KIF13B: variants seen among roughly 807,000 people sequenced by gnomAD.
KIF13B encodes kinesin-like protein KIF13B.
KIF13B carries 127 observed loss-of-function variants against 222.0 expected under a neutral mutation model. The observed-to-expected ratio is 0.57, with a 90% CI of 0.50 to 0.66. The LOEUF is 0.66. Among genes scored for constraint, KIF13B ranks in the 30% least tolerant of loss-of-function variants. KIF13B has a pLI of 0.00. For synonymous variants in KIF13B, 976 were observed against 919.0 expected (o/e 1.06, Z -1.12); for missense variants, 2,173 against 2,379.0 (o/e 0.91, Z 1.80).
chr8:29,223,169 A>C (rs949714327), intron 2 of KIF13B, among the ~76,000 whole-genome samples: 1 of 150,054 alleles, frequency 6.7e-6, no homozygotes, highest in African/African-American at 2.4e-5. Flanking sequence ...AAATACAAAA[A>C]AAAAAAAAAC....
intron 1 of KIF13B, among the ~76,000 whole-genome samples, chr8:29,259,482 T>C (rs1241919766): frequency 6.6e-6 from 1 of 152,238 alleles, no homozygotes; most frequent in African/African-American, 2.4e-5. Context: ...TAGTTGATCT[T>C]ATACAGATTT....
chr8:29,241,032 C>T lies in KIF13B; in HGVS notation c.149+4314G>A, dbSNP rs1315787790. Among the ~76,000 whole-genome samples, 7 of 152,084 alleles carry T rather than the reference C, an allele frequency of 4.6e-5. No individual in the cohort carries two copies. The East Asian group carries it at 1.4e-3, about 29-fold the overall frequency. On this transcript the variant is annotated intron_variant, in intron 2 of 39. Transcript: ENST00000524189. ...ACACAAACTGCATTATCCATGAAGC[C>T]AAAAGAGTAGAAACAATCCAAATGC...
intron 22 of KIF13B, among the ~76,000 whole-genome samples, chr8:29,132,702 G>A (rs897523923): frequency 6.6e-6 from 1 of 152,126 alleles, no homozygotes; most frequent in Non-Finnish European, 1.5e-5. Flanking sequence ...TGAAAGTCTA[G>A]TATGTAAGAC....
chr8:29,248,775 G>A (rs1471354569), intron 1 of KIF13B, among the ~76,000 whole-genome samples: 1 of 152,164 alleles, frequency 6.6e-6, no homozygotes, highest in African/African-American at 2.4e-5. Context: ...AGTGAAAAAA[G>A]CCAGTCATCA....
rs892240392 is a variant in KIF13B, at chr8:29,070,311, C to T, written c.*193G>A. 13 of 630,708 alleles carry T rather than the reference C, an allele frequency of 2.1e-5. No individual in the cohort carries two copies. The African/African-American group carries it at 2.3e-4, about 11-fold the overall frequency. 39.1% of individuals were successfully genotyped at this position (630,708 alleles called of 1,614,324 possible). A position where few individuals can be genotyped will look rare whatever the true frequency, so the allele number is the denominator to read the frequency against. On this transcript the variant is annotated 3_prime_UTR_variant, in exon 40 of 40. Transcript: ENST00000524189. The surrounding 1 kb of genome is among the most constrained non-coding windows in gnomAD (Gnocchi z 4.1). Reference sequence around the variant, plus strand: ...CCTGAGGAGGCACAGTTGAGGCCCCCACTTTACCCGGGTACAGAAGAAACA... The same window carrying T: ...CCTGAGGAGGCACAGTTGAGGCCCCTACTTTACCCGGGTACAGAAGAAACA...
intron 36 of KIF13B, among the ~76,000 whole-genome samples, chr8:29,098,416 A>T (rs1808638302): frequency 6.6e-6 from 1 of 151,544 alleles, no homozygotes; most frequent in Admixed American, 6.6e-5. Context: ...CAGCCTGGCC[A>T]ACGTGGTGAA....
At chr8:29,168,943 G>A (rs535673921) in intron 10 of KIF13B, among the ~76,000 whole-genome samples, 5 of 152,108 alleles carry the variant, frequency 3.3e-5, no homozygotes, top group Non-Finnish European at 7.4e-5. Context: ...ACAAATCATC[G>A]AAGCAAACAA....
intron 35 of KIF13B, among the ~76,000 whole-genome samples, chr8:29,103,639 A>G (rs533852320): frequency 1.3e-5 from 2 of 152,338 alleles, no homozygotes; most frequent in South Asian, 2.1e-4. Flanking sequence ...TAGTTCATCA[A>G]TTCAATCTTG....
In KIF13B at chr8:29,148,868, G is replaced by GT. The variant is rs777769974; in HGVS notation, c.1623-102dup. ...CTGTTAGAAGCCAAGTGGATACCAT[G>GT]TAAGTACAAGGCAATTACTGTACTC... On this transcript the variant is annotated intron_variant, in intron 15 of 39. Coordinates refer to ENST00000524189, the MANE Select transcript of KIF13B (RefSeq NM_015254.4). The GT allele has an allele frequency of 3.5e-6, 3 of 865,742 alleles. No homozygotes were observed. In the East Asian group the frequency reaches 7.7e-5, roughly 22 times the overall value. 53.6% of individuals were successfully genotyped at this position (865,742 alleles called of 1,614,324 possible). A position where few individuals can be genotyped will look rare whatever the true frequency, so the allele number is the denominator to read the frequency against.
At position 29,160,520 on chromosome 8, in the gene KIF13B, C is replaced by G. The variant is rs553563013; in HGVS notation, c.1404+213G>C. On this transcript the variant is annotated intron_variant, in intron 13 of 39. Transcript: ENST00000524189. ...AAATAATGGTAGGTAAGGTATTTGA[C>G]TTGTTGGAAATAATATCAGAGTATC... 9.9e-5 allele frequency among the ~76,000 whole-genome samples: 15 copies of G among 151,934 alleles called. No individual in the cohort carries two copies. In the East Asian group the frequency reaches 2.9e-3, roughly 29 times the overall value.
At chr8:29,112,439 A>C (rs1009220449) in intron 32 of KIF13B, among the ~76,000 whole-genome samples, 7 of 151,968 alleles carry the variant, frequency 4.6e-5, no homozygotes, top group African/African-American at 1.4e-4. Flanking sequence ...CTCAAAAAAA[A>C]AAAAAAAAAA....
intron 1 of KIF13B, among the ~76,000 whole-genome samples, chr8:29,246,214 T>C (rs934080803): frequency 2.0e-5 from 3 of 152,000 alleles, no homozygotes; most frequent in African/African-American, 7.3e-5. Flanking sequence ...CTGTCTCTAC[T>C]AAAAATACAA....
At chr8:29,122,206 A>G (rs1809897269) in intron 29 of KIF13B, among the ~76,000 whole-genome samples, 2 of 151,992 alleles carry the variant, frequency 1.3e-5, no homozygotes, top group Admixed American at 1.3e-4. Context: ...GTGAGCCGAG[A>G]TCACACCACT....
chr8:29,117,051 A>C (rs150170831), intron 30 of KIF13B, 44 bp from the exon 31 acceptor site: 78 of 1,492,644 alleles, frequency 5.2e-5, no homozygotes, highest in Non-Finnish European at 6.0e-5. Flanking sequence ...TCTTCTCCAG[A>C]AACATGAAAA....
At chr8:29,220,938 C>G (rs1389875570) in intron 2 of KIF13B, among the ~76,000 whole-genome samples, 1 of 151,800 alleles carries the variant, frequency 6.6e-6, no homozygotes, top group Non-Finnish European at 1.5e-5. Flanking sequence ...CAGCAAAACC[C>G]CATCTCTATA....
intron 35 of KIF13B, among the ~76,000 whole-genome samples, chr8:29,099,690 G>C (rs1476114188): frequency 6.6e-6 from 1 of 151,998 alleles, no homozygotes; most frequent in Non-Finnish European, 1.5e-5. Context: ...TCTTCTACTT[G>C]TCATCCTGCT....
chr8:29,214,874 G>T (rs1490780394), intron 2 of KIF13B, among the ~76,000 whole-genome samples: 2 of 152,022 alleles, frequency 1.3e-5, no homozygotes, highest in Admixed American at 6.6e-5. Flanking sequence ...TAATTTGATG[G>T]GACCACCTTC....
At chr8:29,074,100 G>A (rs1014713852) in intron 38 of KIF13B, among the ~76,000 whole-genome samples, 6 of 152,040 alleles carry the variant, frequency 3.9e-5, no homozygotes, top group Non-Finnish European at 5.9e-5. Context: ...TCTGTTCCCC[G>A]CCCCCACCCC....
chr8:29,113,553 AC>A lies in KIF13B; in HGVS notation c.3839del (p.Gly1280ValfsTer7). 6.4e-7 allele frequency: 1 copy of A among 1,567,334 alleles called. No individual in the cohort carries two copies. The highest frequency in any genetic ancestry group is 8.7e-7 in the Non-Finnish European group (1 of 1,152,126). On this transcript the variant is annotated frameshift_variant and splice_region_variant, in exon 32 of 40. Transcript: ENST00000524189. LOFTEE classifies it high-confidence loss of function. Reference sequence around the variant, plus strand: ...TCTTTTTTAGGAGACTCTGTGCAAAACCCTAGAGAAAAACAAAATAGAAGAT... The same window carrying A: ...TCTTTTTTAGGAGACTCTGTGCAAAACCTAGAGAAAAACAAAATAGAAGAT... ...RICVNVHGRQ[G>X]FAQSLLKKMS...
Sources: gnomAD v4.1 joint callset for allele counts (sites outside exome capture counted in the v4.1 genomes callset) on GRCh38, gnomAD v4.1.1 for gene constraint, Gnocchi (gnomAD v3.1) non-coding constraint, MANE v1.5 for transcripts, NCBI Gene and HGNC (gene_info 2026-07-23, HGNC 2026-07-21) for gene names.